REDIC1: variants seen among roughly 807,000 people sequenced by gnomAD.
The protein encoded by REDIC1 is HEI10 Interacting Protein 1.
the REDIC1 span, among the ~76,000 whole-genome samples, chr12:39,892,195 A>G: frequency 6.6e-6 from 1 of 152,196 alleles, no homozygotes; most frequent in Non-Finnish European, 1.5e-5. Context: ...AGCCATAGCT[A>G]TATTTCTGTA....
chr12:39,900,029 G>T, the REDIC1 span, among the ~76,000 whole-genome samples: 2 of 152,184 alleles, frequency 1.3e-5, no homozygotes, highest in African/African-American at 4.8e-5. Flanking sequence ...TGCAAGGCTG[G>T]TTCATTATAT....
chr12:39,701,930 A>C, the REDIC1 span, among the ~76,000 whole-genome samples: 2 of 152,194 alleles, frequency 1.3e-5, no homozygotes, highest in Non-Finnish European at 2.9e-5. Context: ...TCTGGGACAC[A>C]TTTAAAGCAG....
chr12:39,728,780 C>CT, the REDIC1 span, among the ~76,000 whole-genome samples: 61,204 of 92,208 alleles, frequency 0.66, 21,567 homozygotes, highest in Middle Eastern at 0.71. Context: ...TGGTCCTGGG[C>CT]TTTTTTTTTT....
At chr12:39,653,605 T>C in the REDIC1 span, among the ~76,000 whole-genome samples, 1 of 147,180 alleles carries the variant, frequency 6.8e-6, no homozygotes, top group Admixed American at 6.8e-5. Context: ...TTCTTCTTCT[T>C]TTTTTTTTGC....
At chr12:39,749,912 G>A in the REDIC1 span, among the ~76,000 whole-genome samples, 3 of 152,224 alleles carry the variant, frequency 2.0e-5, no homozygotes, top group East Asian at 3.9e-4. Context: ...TTGATGGGAC[G>A]TATCTCAAAA....
chr12:39,887,959 G>A, the REDIC1 span, among the ~76,000 whole-genome samples: 1 of 152,118 alleles, frequency 6.6e-6, no homozygotes, highest in Non-Finnish European at 1.5e-5. Flanking sequence ...GAGTCAGTTT[G>A]CCCCTGCTTC....
chr12:39,856,034 T>C, the REDIC1 span, among the ~76,000 whole-genome samples: 9 of 152,228 alleles, frequency 5.9e-5, no homozygotes, highest in African/African-American at 1.9e-4. Context: ...CTAATCATGC[T>C]GTAGCCATGA....
the REDIC1 span, among the ~76,000 whole-genome samples, chr12:39,671,631 CTCAGGTT>C: frequency 6.6e-6 from 1 of 152,062 alleles, no homozygotes; most frequent in East Asian, 1.9e-4. Context: ...ACGGACAACC[CTCAGGTT>C]TCCAGGTGGC....
the REDIC1 span, among the ~76,000 whole-genome samples, chr12:39,900,120 G>C: frequency 1.3e-5 from 2 of 151,388 alleles, no homozygotes; most frequent in African/African-American, 4.9e-5. Flanking sequence ...GGCAGAAAAG[G>C]CCTTTGACCA....
the REDIC1 span, among the ~76,000 whole-genome samples, chr12:39,783,866 C>T: frequency 6.6e-6 from 1 of 152,176 alleles, no homozygotes; most frequent in African/African-American, 2.4e-5. Flanking sequence ...TGATAAGCAA[C>T]TTCAGAAAAG....
At chr12:39,662,654 C>T in the REDIC1 span, among the ~76,000 whole-genome samples, 1 of 152,022 alleles carries the variant, frequency 6.6e-6, no homozygotes, top group Admixed American at 6.6e-5. Context: ...CTGGCTAGGA[C>T]CTCCAATACC....
the REDIC1 span, among the ~76,000 whole-genome samples, chr12:39,809,204 T>A: frequency 2.6e-5 from 4 of 152,190 alleles, no homozygotes; most frequent in African/African-American, 7.2e-5. Flanking sequence ...TTGGTTTTTT[T>A]ATTGAAAATC....
chr12:39,728,329 T>C, the REDIC1 span, among the ~76,000 whole-genome samples: 3 of 152,158 alleles, frequency 2.0e-5, no homozygotes, highest in African/African-American at 7.2e-5. Context: ...CAATATCTAG[T>C]TTATTGAGAG....
chr12:39,774,996 T>C, the REDIC1 span, among the ~76,000 whole-genome samples: 1 of 152,206 alleles, frequency 6.6e-6, no homozygotes, highest in East Asian at 1.9e-4. Context: ...GGAAAGAAAT[T>C]TGGCAATTTG....
chr12:39,742,550 G>C, the REDIC1 span, among the ~76,000 whole-genome samples: 1 of 152,140 alleles, frequency 6.6e-6, no homozygotes, highest in Non-Finnish European at 1.5e-5. Context: ...CTCTCGGGTA[G>C]AGGGCTTCCC....
chr12:39,806,543 G>A, the REDIC1 span, among the ~76,000 whole-genome samples: 2 of 152,120 alleles, frequency 1.3e-5, no homozygotes, highest in South Asian at 2.1e-4. Context: ...TCCACAAAAA[G>A]TCATGTTCTC....
At chr12:39,639,274 T>G in the REDIC1 span, among the ~76,000 whole-genome samples, 1 of 152,014 alleles carries the variant, frequency 6.6e-6, no homozygotes, top group Non-Finnish European at 1.5e-5. Context: ...TATAGGGTTC[T>G]TTGCTCAATG....
chr12:39,684,449 G>A, the REDIC1 span: 630 of 223,336 alleles, frequency 2.8e-3, 4 homozygotes, highest in African/African-American at 0.014. Context: ...ATAAAAAGAT[G>A]CAATTTTAGT....
the REDIC1 span, chr12:39,764,769 C>T: frequency 6.2e-7 from 1 of 1,612,752 alleles, no homozygotes; most frequent in Non-Finnish European, 8.5e-7. Flanking sequence ...TAAAATAAGG[C>T]CCAGAAGTGC....
Sources: allele counts gnomAD v4.1 joint callset (sites outside exome capture counted in the v4.1 genomes callset), GRCh38; gene constraint gnomAD v4.1.1; transcripts MANE v1.5; gene names NCBI Gene and HGNC (gene_info 2026-07-23, HGNC 2026-07-21).